Variants in MID1IP1 observed in about 807,000 individuals in gnomAD.
MID1IP1 encodes mid1-interacting protein 1.
MID1IP1 carries 3 observed loss-of-function variants against 6.8 expected under a neutral mutation model. The ratio of observed to expected loss-of-function variants is 0.44; its 90% CI spans 0.20 to 1.14. The LOEUF (loss-of-function observed/expected upper bound fraction) is 1.14. Among genes scored for constraint, MID1IP1 ranks in the 50% most tolerant of loss-of-function variants. MID1IP1 has a pLI of 0.26. For synonymous variants in MID1IP1, 87 were observed against 70.4 expected, an observed-to-expected ratio of 1.24 and a Z score of -1.18; for missense variants, 127 against 158.4, an observed-to-expected ratio of 0.80 and a Z score of 1.06.
chrX:38,806,166 C>A lies in MID1IP1; in HGVS notation c.*668C>A, dbSNP rs1231142124. The A allele has an allele frequency of 8.3e-6, 1 of 120,957 alleles. No individual in the cohort carries two copies. The highest frequency in any genetic ancestry group is 3.3e-5 in the African/African-American group (1 of 30,045). The allele number at this position is 120,957 out of a possible 1,213,427, so 10.0% of individuals were successfully genotyped here. ...CTGTATAGTAGTCCTATGGCACCCCCACCCCATCCCTTTCGTGCCACTCCC... is the reference window on the plus strand; with the variant it reads ...CTGTATAGTAGTCCTATGGCACCCCAACCCCATCCCTTTCGTGCCACTCCC... On this transcript the variant is annotated 3_prime_UTR_variant, in exon 3 of 3. Coordinates refer to ENST00000614558, the MANE Select transcript of MID1IP1 (RefSeq NM_021242.6).
At position 38,805,760 on chromosome X, in the gene MID1IP1, T is replaced by A; in HGVS notation, c.*262T>A. 2.4e-6 allele frequency: 1 copy of A among 413,067 alleles called. No individual in the cohort carries two copies. The highest frequency in any genetic ancestry group is 4.3e-6 in the Non-Finnish European group (1 of 231,133). The allele number at this position is 413,067 out of a possible 1,213,427, so 34.0% of individuals were successfully genotyped here. A position where few individuals can be genotyped will look rare whatever the true frequency, so the allele number is the denominator to read the frequency against. On this transcript the variant is annotated 3_prime_UTR_variant, in exon 3 of 3. Transcript: ENST00000614558. ...CATTCTATGTTGGTGGGAATGGGAC[T>A]GGGCTGACGCCCTGCATTCAGCCTG...
rs769454034 is a variant in MID1IP1 at position 38,805,622 on chromosome X, C to A, written c.*124C>A. 3.2e-6 allele frequency: 2 copies of A among 623,045 alleles called. No individual in the cohort carries two copies. Among genetic ancestry groups the A allele is most frequent in the African/African-American group, 4.9e-5 (2 of 40,679 alleles). The allele number at this position is 623,045 out of a possible 1,213,427, so 51.3% of individuals were successfully genotyped here. A position where few individuals can be genotyped will look rare whatever the true frequency, so the allele number is the denominator to read the frequency against. ...GGGCAGACTGCAAACTGGGGGGCTGCGTACGTGCAGGAGGCGCGGTGGGGC... is the reference window on the plus strand; with the variant it reads ...GGGCAGACTGCAAACTGGGGGGCTGAGTACGTGCAGGAGGCGCGGTGGGGC... On this transcript the variant is annotated 3_prime_UTR_variant, in exon 3 of 3. Transcript: ENST00000614558.
chrX:38,805,613 G>T lies in MID1IP1; in HGVS notation c.*115G>T, dbSNP rs2070510640. 2.9e-6 allele frequency: 2 copies of T among 697,412 alleles called. No individual in the cohort carries two copies. Among genetic ancestry groups the T allele is most frequent in the Non-Finnish European group, 4.2e-6 (2 of 473,437 alleles). 57.5% of individuals were successfully genotyped at this position (697,412 alleles called of 1,213,427 possible). On this transcript the variant is annotated 3_prime_UTR_variant, in exon 3 of 3. Transcript: ENST00000614558. The stretch of plus-strand genomic sequence containing the variant: ...GGGCGGGAAGGGCAGACTGCAAACT[G>T]GGGGGCTGCGTACGTGCAGGAGGCG...
Position 38,804,223 on chromosome X carries a change from G to T in MID1IP1, c.-455G>T, listed in dbSNP as rs1320911440. On this transcript the variant is annotated 5_prime_UTR_variant, in exon 2 of 3. Coordinates refer to ENST00000614558, the MANE Select transcript of MID1IP1 (RefSeq NM_021242.6). Reference sequence around the variant, plus strand: ...GCGGGAGGAGGAGACACCAGGGGTGGCCCTGAGCGCCGGCGACACCTTTCC... The same window carrying T: ...GCGGGAGGAGGAGACACCAGGGGTGTCCCTGAGCGCCGGCGACACCTTTCC... 3 of 113,294 alleles carry T rather than the reference G, an allele frequency of 2.6e-5. No homozygotes were observed. The highest frequency in any genetic ancestry group is 6.4e-5 in the African/African-American group (2 of 31,167). The allele number at this position is 113,294 out of a possible 1,213,427, so 9.3% of individuals were successfully genotyped here.
At chrX:38,804,630 C>G (rs1411270984) in intron 2 of MID1IP1, 53 bp from the exon 3 acceptor site, 1 of 227,989 alleles carries the variant, frequency 4.4e-6, no homozygotes, top group Non-Finnish European at 7.9e-6. Flanking sequence ...GCGCCAGGCC[C>G]CCTAGCAGGG....
At position 38,805,417 on chromosome X, in the gene MID1IP1, G is replaced by A. The variant is rs755977331; in HGVS notation, c.471G>A (p.Val157=). ...FHYHLRGLHT[V]LSKLTRKANI... ...ACCACCTGCGCGGGCTGCACACTGT[G>A]CTCTCGAAACTCACGCGCAAAGCCA... The change falls in exon 3 of 3, where the codon GTG becomes GTA. Residue 157 remains valine (V), a synonymous_variant. Coordinates refer to ENST00000614558, the MANE Select transcript of MID1IP1 (RefSeq NM_021242.6). 8.3e-7 allele frequency: 1 copy of A among 1,209,600 alleles called. No individual in the cohort carries two copies. Among genetic ancestry groups the A allele is most frequent in the South Asian group, 1.8e-5 (1 of 56,846 alleles).
Position 38,805,447 on chromosome X carries a change from C to T in MID1IP1, c.501C>T (p.Ile167=). Residue 167 remains isoleucine (I), a synonymous_variant, in exon 3 of 3, where the codon ATC becomes ATT. Coordinates refer to ENST00000614558, the MANE Select transcript of MID1IP1 (RefSeq NM_021242.6). ...VLSKLTRKAN[I]LTNRYKQEIG... ...CGAAACTCACGCGCAAAGCCAACAT[C>T]CTCACTAACAGATACAAGCAGGAGA... 1.7e-6 allele frequency: 2 copies of T among 1,210,147 alleles called. No homozygotes were observed. The highest frequency in any genetic ancestry group is 1.7e-5 in the African/African-American group (1 of 57,371).
At position 38,805,613 on chromosome X, in the gene MID1IP1, G is replaced by A; in HGVS notation, c.*115G>A. ...GGGCGGGAAGGGCAGACTGCAAACTGGGGGGCTGCGTACGTGCAGGAGGCG... is the reference window on the plus strand; with the variant it reads ...GGGCGGGAAGGGCAGACTGCAAACTAGGGGGCTGCGTACGTGCAGGAGGCG... On this transcript the variant is annotated 3_prime_UTR_variant, in exon 3 of 3. Coordinates refer to ENST00000614558, the MANE Select transcript of MID1IP1 (RefSeq NM_021242.6). The A allele has an allele frequency of 1.4e-6, 1 of 697,413 alleles. No individual in the cohort carries two copies. The highest frequency in any genetic ancestry group is 2.2e-5 in the African/African-American group (1 of 45,218). 57.5% of individuals were successfully genotyped at this position (697,413 alleles called of 1,213,427 possible). A position where few individuals can be genotyped will look rare whatever the true frequency, so the allele number is the denominator to read the frequency against.
chrX:38,806,373 A>G lies in MID1IP1; in HGVS notation c.*875A>G, dbSNP rs756453681. 1.6e-5 allele frequency: 2 copies of G among 123,492 alleles called. No individual in the cohort carries two copies. The highest frequency in any genetic ancestry group is 3.7e-4 in the South Asian group (1 of 2,715). The allele number at this position is 123,492 out of a possible 1,213,427, so 10.2% of individuals were successfully genotyped here. On this transcript the variant is annotated 3_prime_UTR_variant, in exon 3 of 3. Transcript: ENST00000614558. ...GTTCCACTGTTGTTGTATGTCTTAA[A>G]TTTATTTAAAACTTTTTTTAATCCA...
At position 38,804,415 on chromosome X, in the gene MID1IP1, T is replaced by C. The variant is rs2070491574; in HGVS notation, c.-265+2T>C. ...GAGAGTCTCAAGGCGCAAGAGGAGG[T>C]GGGTGCCCACGCCCCATCGCTGCCC... is the stretch of plus-strand genomic sequence containing the variant. On this transcript the variant is annotated splice_donor_variant, in intron 2 of 2. Coordinates refer to ENST00000614558, the MANE Select transcript of MID1IP1 (RefSeq NM_021242.6). LOFTEE classifies it low-confidence loss of function (5UTR_SPLICE). 8.9e-6 allele frequency: 1 copy of C among 112,993 alleles called. No homozygotes were observed. The highest frequency in any genetic ancestry group is 9.3e-5 in the Admixed American group (1 of 10,789). The allele number at this position is 112,993 out of a possible 1,213,427, so 9.3% of individuals were successfully genotyped here. A position where few individuals can be genotyped will look rare whatever the true frequency, so the allele number is the denominator to read the frequency against.
At position 38,804,192 on chromosome X, in the gene MID1IP1, G is replaced by C. The variant is rs1230050148; in HGVS notation, c.-486G>C. The C allele has an allele frequency of 8.8e-6, 1 of 113,215 alleles. No individual in the cohort carries two copies. Among genetic ancestry groups the C allele is most frequent in the Non-Finnish European group, 1.9e-5 (1 of 53,475 alleles). 9.3% of individuals were successfully genotyped at this position (113,215 alleles called of 1,213,427 possible). A position where few individuals can be genotyped will look rare whatever the true frequency, so the allele number is the denominator to read the frequency against. On this transcript the variant is annotated 5_prime_UTR_variant, in exon 2 of 3. Transcript: ENST00000614558. ...TGGGCCTTTTATCTCGGTGCTGCCG[G>C]GGGAGGCGGGAGGAGGAGACACCAG...
In MID1IP1 at chrX:38,803,695, A is replaced by T. The variant is rs1412500610; in HGVS notation, c.-983A>T. On this transcript the variant is annotated 5_prime_UTR_variant, in exon 2 of 3. Transcript: ENST00000614558. ...CCACGTGCACCCAGCATGCCCGGTC[A>T]CCCTTTATTACGTAAGAGTCCCAGG... 2 of 112,435 alleles carry T rather than the reference A, an allele frequency of 1.8e-5. No individual in the cohort carries two copies. The highest frequency in any genetic ancestry group is 3.8e-5 in the Non-Finnish European group (2 of 53,174). 9.3% of individuals were successfully genotyped at this position (112,435 alleles called of 1,213,427 possible).
At chrX:38,802,399 C>T (rs1422289782) in intron 1 of MID1IP1, 136 bp from the exon 2 acceptor site, 1 of 112,295 alleles carries the variant, frequency 8.9e-6, no homozygotes, top group African/African-American at 3.2e-5. Context: ...CCTGATAGGT[C>T]TATCCCAGTT....
intron 1 of MID1IP1, among the ~76,000 whole-genome samples, chrX:38,802,250 ATTT>A (rs1439972740): frequency 8.9e-6 from 1 of 112,564 alleles, no homozygotes; most frequent in Non-Finnish European, 1.9e-5. Flanking sequence ...AACAAGCTCC[ATTT>A]TTTTGATAAA....
Position 38,805,816 on chromosome X carries a change from T to C in MID1IP1, c.*318T>C. On this transcript the variant is annotated 3_prime_UTR_variant, in exon 3 of 3. Transcript: ENST00000614558. ...TTCCTGGGGTTTCTTTTCTGTTCTTTTCGGAGGAGAGGGCCCGAGAAGGGG... is the reference window on the plus strand; with the variant it reads ...TTCCTGGGGTTTCTTTTCTGTTCTTCTCGGAGGAGAGGGCCCGAGAAGGGG... 2.5e-5 allele frequency: 7 copies of C among 275,231 alleles called. No individual in the cohort carries two copies. The South Asian group carries it at 4.4e-4, about 17-fold the overall frequency. 22.7% of individuals were successfully genotyped at this position (275,231 alleles called of 1,213,427 possible).
chrX:38,805,497 G>A lies in MID1IP1; in HGVS notation c.551G>A (p.Ter184=), dbSNP rs1258326747. 8.3e-7 allele frequency: 1 copy of A among 1,204,817 alleles called. No individual in the cohort carries two copies. Among genetic ancestry groups the A allele is most frequent in the East Asian group, 3.0e-5 (1 of 33,676 alleles). The change falls in exon 3 of 3, where the codon TGA becomes TAA. Residue 184 remains the stop codon, a stop_retained_variant. Coordinates refer to ENST00000614558, the MANE Select transcript of MID1IP1 (RefSeq NM_021242.6). The part of the protein sequence containing the change: ...QEIGFGNWGH[*] ...ATCGGCTTCGGCAATTGGGGCCACT[G>A]AGGCGTGGCGCCCGTGGCTGCCCAG...
rs142259633 is a variant in MID1IP1 at position 38,805,087 on chromosome X, G to T, written c.141G>T (p.Gly47=). The T allele has an allele frequency of 1.7e-6, 2 of 1,211,665 alleles. No individual in the cohort carries two copies. Among genetic ancestry groups the T allele is most frequent in the Admixed American group, 2.2e-5 (1 of 46,106 alleles). Residue 47 remains glycine (G), a synonymous_variant, in exon 3 of 3, where the codon GGG becomes GGT. Coordinates refer to ENST00000614558, the MANE Select transcript of MID1IP1 (RefSeq NM_021242.6). The part of the protein sequence containing the change: ...LLRDVPLADP[G]LDNDVGVEVG... ...GCGACGTGCCCCTGGCTGACCCCGG[G>T]TTAGACAACGATGTTGGCGTGGAGG...
rs984879813 is a variant in MID1IP1 at position 38,804,794 on chromosome X, G to T, written c.-153G>T. ...GTCTGCCAGCGAGACGAGAGTTGGC[G>T]AGGGCGGAGGAGTGCCGGGAATCCC... On this transcript the variant is annotated 5_prime_UTR_variant, in exon 3 of 3. Coordinates refer to ENST00000614558, the MANE Select transcript of MID1IP1 (RefSeq NM_021242.6). The T allele has an allele frequency of 3.8e-5, 21 of 557,173 alleles. No homozygotes were observed. The Admixed American group carries it at 6.4e-4, about 17-fold the overall frequency. 45.9% of individuals were successfully genotyped at this position (557,173 alleles called of 1,213,427 possible).
rs2070486224 is a variant in MID1IP1 at position 38,804,045 on chromosome X, C to G, written c.-633C>G. 1 of 115,099 alleles carries G rather than the reference C, an allele frequency of 8.7e-6. No individual in the cohort carries two copies. The highest frequency in any genetic ancestry group is 1.8e-5 in the Non-Finnish European group (1 of 54,117). 9.5% of individuals were successfully genotyped at this position (115,099 alleles called of 1,213,427 possible). A position where few individuals can be genotyped will look rare whatever the true frequency, so the allele number is the denominator to read the frequency against. The stretch of plus-strand genomic sequence containing the variant: ...TCCTCCTCTGCTCTGCCCTGCCCTG[C>G]CCTGGCCTGCCCCGGCGCCCTCCCT... On this transcript the variant is annotated 5_prime_UTR_variant, in exon 2 of 3. Coordinates refer to ENST00000614558, the MANE Select transcript of MID1IP1 (RefSeq NM_021242.6).
Sources: allele counts gnomAD v4.1 joint callset (sites outside exome capture counted in the v4.1 genomes callset), GRCh38; gene constraint gnomAD v4.1.1; transcripts MANE v1.5; gene names NCBI Gene and HGNC (gene_info 2026-07-23, HGNC 2026-07-21).